MUSK: variants seen among roughly 807,000 people sequenced by gnomAD.
MUSK encodes muscle associated receptor tyrosine kinase.
A neutral mutation model predicts 88.7 loss-of-function variants in MUSK; 55 were observed. The ratio of observed to expected loss-of-function variants is 0.62; its 90% confidence interval spans 0.50 to 0.78. The LOEUF is 0.78. Ranked by LOEUF, MUSK falls within the 30% of genes least tolerant of loss-of-function variation. The probability of loss-of-function intolerance (pLI) is 0.00; values close to 1 mark genes in which losing one functional copy is unlikely to be tolerated. For missense variants in MUSK, 1,015 were observed against 1,074.3 expected (o/e 0.94, Z 0.77); for synonymous variants, 387 against 391.9 (o/e 0.99, Z 0.15).
intron 9 of MUSK, among the ~76,000 whole-genome samples, chr9:110,768,755 A>T (rs1485729105): frequency 6.6e-6 from 1 of 152,182 alleles, no homozygotes; most frequent in Non-Finnish European, 1.5e-5. Flanking sequence ...TTGTCAATAA[A>T]TGAGATCATG....
rs1300307890 is a variant in MUSK at position 110,803,698 on chromosome 9, T to C, written c.*2710T>C. ...ATCATAACATCTAATAGGTGACATG[T>C]TTATTTTTTCATGAGTTCTAATTAC... On this transcript the variant is annotated 3_prime_UTR_variant, in exon 15 of 15. Coordinates refer to ENST00000374448, the MANE Select transcript of MUSK (RefSeq NM_005592.4). Among the ~76,000 whole-genome samples, 1 of 152,232 alleles carries C rather than the reference T, an allele frequency of 6.6e-6. No homozygotes were observed. Among genetic ancestry groups the C allele is most frequent in the East Asian group, 1.9e-4 (1 of 5,202 alleles).
chr9:110,763,541 G>A (rs932523294), intron 8 of MUSK, among the ~76,000 whole-genome samples: 4 of 152,204 alleles, frequency 2.6e-5, no homozygotes, highest in African/African-American at 9.7e-5. Flanking sequence ...CACTAGACGC[G>A]AAAGAATAGA....
chr9:110,689,312 A>T (rs2076250987), intron 3 of MUSK, among the ~76,000 whole-genome samples: 1 of 116,638 alleles, frequency 8.6e-6, no homozygotes, highest in African/African-American at 3.6e-5. Flanking sequence ...TTTATATTTA[A>T]ATATATATTA....
intron 5 of MUSK, among the ~76,000 whole-genome samples, chr9:110,709,826 T>C (rs2131766580): frequency 6.6e-6 from 1 of 152,270 alleles, no homozygotes; most frequent in African/African-American, 2.4e-5. Flanking sequence ...CAAAGTCATA[T>C]AGTTCAATTC....
At chr9:110,691,544 A>T (rs1354669745) in intron 3 of MUSK, among the ~76,000 whole-genome samples, 1 of 151,972 alleles carries the variant, frequency 6.6e-6, no homozygotes, top group Non-Finnish European at 1.5e-5. Flanking sequence ...CTACCTGGTG[A>T]TGTATCATCA....
chr9:110,684,325 G>GT (rs544395604), intron 2 of MUSK, among the ~76,000 whole-genome samples: 182 of 152,022 alleles, frequency 1.2e-3, no homozygotes, highest in African/African-American at 4.3e-3. Context: ...TGGGTTCTCT[G>GT]TTTTTTCCCA....
At chr9:110,755,965 CATATATATATATACATATATAT>C (rs2077313655) in intron 7 of MUSK, among the ~76,000 whole-genome samples, 1 of 81,620 alleles carries the variant, frequency 1.2e-5, no homozygotes, top group Non-Finnish European at 2.5e-5. Context: ...TATATATATA[CATATATATATATACATATATAT>C]ATATATATAT....
intron 11 of MUSK, among the ~76,000 whole-genome samples, chr9:110,784,535 A>G (rs554833597): frequency 1.4e-4 from 21 of 152,258 alleles, no homozygotes; most frequent in Admixed American, 3.3e-4. Flanking sequence ...GGTCATAGAT[A>G]ATATGATTCA....
At chr9:110,689,562 A>ATATAT (rs2076263594) in intron 3 of MUSK, among the ~76,000 whole-genome samples, 1 of 60,464 alleles carries the variant, frequency 1.7e-5, no homozygotes, top group African/African-American at 9.0e-5. Flanking sequence ...TTTATATATT[A>ATATAT]TATATATTTA....
At chr9:110,673,349 G>GC (rs921927621) in intron 1 of MUSK, among the ~76,000 whole-genome samples, 44 of 152,228 alleles carry the variant, frequency 2.9e-4, no homozygotes, top group African/African-American at 1.0e-3. Flanking sequence ...GACAAGTTGT[G>GC]CAACCATTTT....
rs753213086 is a variant in MUSK at position 110,785,597 on chromosome 9, A to G, written c.1657A>G (p.Met553Val). 13 of 1,613,240 alleles carry G rather than the reference A, an allele frequency of 8.1e-6. No homozygotes were observed. In the Admixed American group the frequency reaches 2.2e-4, roughly 27 times the overall value. The change falls in exon 13 of 15, where the codon ATG (methionine) becomes GTG (valine). Residue 553 changes from methionine to valine, a missense_variant. By Grantham distance (21) the Met-to-Val change is conservative. Transcript: ENST00000374448. ...LLLDRLHPNP[M>V]YQRMPLLLNP... ...ACTAGATAGACTTCATCCCAACCCC[A>G]TGTACCAGAGGATGCCGCTCCTTCT... is the stretch of plus-strand genomic sequence containing the variant.
At chr9:110,673,702 TAGTA>T (rs2075989646) in intron 1 of MUSK, among the ~76,000 whole-genome samples, 1 of 152,178 alleles carries the variant, frequency 6.6e-6, no homozygotes, top group South Asian at 2.1e-4. Flanking sequence ...ATAACATTAA[TAGTA>T]AGTCTATTAC....
At chr9:110,694,844 C>T (rs2076412598) in intron 3 of MUSK, among the ~76,000 whole-genome samples, 1 of 98,828 alleles carries the variant, frequency 1.0e-5, no homozygotes, top group African/African-American at 4.2e-5. Context: ...ATGTTTGAGT[C>T]CCCCCAAATT....
chr9:110,763,609 T>C (rs2131937831), intron 8 of MUSK, among the ~76,000 whole-genome samples: 1 of 152,312 alleles, frequency 6.6e-6, no homozygotes, highest in African/African-American at 2.4e-5. Flanking sequence ...ATTACCTTTG[T>C]TGGGAATGTT....
At chr9:110,733,863 T>C (rs567713663) in intron 5 of MUSK, among the ~76,000 whole-genome samples, 212 of 152,078 alleles carry the variant, frequency 1.4e-3, no homozygotes, top group Non-Finnish European at 1.9e-3. Context: ...TGTAGGCTGA[T>C]GAAAAGTGAA....
intron 6 of MUSK, among the ~76,000 whole-genome samples, chr9:110,744,587 A>G (rs1407861555): frequency 6.6e-6 from 1 of 152,178 alleles, no homozygotes; most frequent in Non-Finnish European, 1.5e-5. Context: ...TAGAAAAAAA[A>G]GTTTTATTGT....
chr9:110,742,482 G>C (rs1384356431), intron 6 of MUSK, among the ~76,000 whole-genome samples: 1 of 151,886 alleles, frequency 6.6e-6, no homozygotes, highest in African/African-American at 2.4e-5. Context: ...AAAATTGGGA[G>C]ACTGACAATA....
chr9:110,682,018 C>G (rs1413258311), intron 1 of MUSK, among the ~76,000 whole-genome samples: 1 of 151,938 alleles, frequency 6.6e-6, no homozygotes, highest in Non-Finnish European at 1.5e-5. Flanking sequence ...TAAAATAGAA[C>G]AAAACAGCTT....
chr9:110,712,340 A>G (rs2076682428), intron 5 of MUSK, among the ~76,000 whole-genome samples: 1 of 152,190 alleles, frequency 6.6e-6, no homozygotes, highest in Admixed American at 6.5e-5. Flanking sequence ...TGTTACACCA[A>G]ACCATCCAGA....
Sources: allele counts gnomAD v4.1 joint callset (sites outside exome capture counted in the v4.1 genomes callset), GRCh38; gene constraint gnomAD v4.1.1; transcripts MANE v1.5; gene names NCBI Gene and HGNC (gene_info 2026-07-23, HGNC 2026-07-21).